PPFIBP2: variants seen among roughly 807,000 people sequenced by gnomAD.
PPFIBP2 encodes liprin-beta-2.
A neutral mutation model predicts 118.3 loss-of-function variants in PPFIBP2; 118 were observed. That is an observed-to-expected ratio of 1.00 (90% confidence interval 0.86 to 1.16). The LOEUF (loss-of-function observed/expected upper bound fraction) is 1.16, where lower values mean the gene tolerates loss of function less well. Among genes scored for constraint, PPFIBP2 ranks in the 50% most tolerant of loss-of-function variants. The pLI is 0.00. For missense variants in PPFIBP2, 1,195 were observed against 1,073.1 expected (o/e 1.11, Z -1.59); for synonymous variants, 414 against 397.4 (o/e 1.04, Z -0.50).
intron 3 of PPFIBP2, among the ~76,000 whole-genome samples, chr11:7,591,511 A>C (rs1468491474): frequency 2.5e-5 from 3 of 119,888 alleles, no homozygotes; most frequent in Non-Finnish European, 3.8e-5. Context: ...ATTATAATAT[A>C]TTCTTGGATT....
In PPFIBP2 at chr11:7,653,215, C is replaced by G; in HGVS notation, c.2628C>G (p.Ser876Arg). The change falls in exon 24 of 24, where the codon AGC (serine) becomes AGG (arginine). Residue 876 changes from serine (S) to arginine (R), a missense_variant. Physicochemically the swap from Ser to Arg is moderately radical, Grantham distance 110. Coordinates refer to ENST00000299492, the MANE Select transcript of PPFIBP2 (RefSeq NM_003621.5). Reference sequence around the variant, plus strand: ...GGCTGGACCAGGTGGGACAGATTAGCTGATGCCCTTGTCACCTGCCCTCTG... The same window carrying G: ...GGCTGGACCAGGTGGGACAGATTAGGTGATGCCCTTGTCACCTGCCCTCTG... ...LDGLDQVGQIS is the reference protein window; with the variant it reads ...LDGLDQVGQIR 1 of 1,614,106 alleles carries G rather than the reference C, an allele frequency of 6.2e-7. No homozygotes were observed. The highest frequency in any genetic ancestry group is 1.1e-5 in the South Asian group (1 of 91,084).
chr11:7,574,379 G>C (rs1856020283), intron 3 of PPFIBP2, among the ~76,000 whole-genome samples: 1 of 152,134 alleles, frequency 6.6e-6, no homozygotes, highest in African/African-American at 2.4e-5. Flanking sequence ...GGAGCAGCAA[G>C]CCCAGGCCCC....
At chr11:7,621,350 T>G (rs550763603) in intron 7 of PPFIBP2, among the ~76,000 whole-genome samples, 3 of 152,224 alleles carry the variant, frequency 2.0e-5, no homozygotes, top group Non-Finnish European at 4.4e-5. Flanking sequence ...CAGTGAATCA[T>G]GCGTCCTAAA....
chr11:7,642,355 T>G lies in PPFIBP2; in HGVS notation c.1575T>G (p.Phe525Leu), dbSNP rs1852313349. 1.2e-6 allele frequency: 2 copies of G among 1,614,056 alleles called. No individual in the cohort carries two copies. Among genetic ancestry groups the G allele is most frequent in the Non-Finnish European group, 1.7e-6 (2 of 1,180,024 alleles). ...CTGACACGCTGGGGATGGCAGAGTT[T>G]CGACGAGGTGGGCTCCGGGCAACCG... Reference protein sequence around the residue: ...FYTDTLGMAEFRRGGLRATAG... With the variant: ...FYTDTLGMAELRRGGLRATAG... Residue 525 changes from phenylalanine to leucine, a missense_variant, in exon 17 of 24, where the codon TTT (phenylalanine) becomes TTG (leucine). Physicochemically the swap from Phe to Leu is conservative, Grantham distance 22. Transcript: ENST00000299492.
In PPFIBP2 at chr11:7,537,450, A is replaced by T. The variant is rs146721188; in HGVS notation, c.-36-11990A>T. ...TTGCACAGGCTCGAAATAATTCACC[A>T]TCATCTTGATCTATTGTGAATGGCT... is the stretch of plus-strand genomic sequence containing the variant. On this transcript the variant is annotated intron_variant, in intron 1 of 23. Transcript: ENST00000299492. Among the ~76,000 whole-genome samples the T allele has an allele frequency of 3.4e-3, 516 of 152,362 alleles. 6 individuals are homozygous for T. The highest frequency in any genetic ancestry group is 0.012 in the African/African-American group (490 of 41,596).
At chr11:7,579,314 T>C (rs1856914646) in intron 3 of PPFIBP2, among the ~76,000 whole-genome samples, 2 of 152,188 alleles carry the variant, frequency 1.3e-5, no homozygotes, top group Non-Finnish European at 2.9e-5. Flanking sequence ...CTCTGCCAAA[T>C]ATGTATAAAA....
At chr11:7,656,763 C>G (rs775070346), downstream of PPFIBP2, 4 of 1,289,846 alleles carry the variant, frequency 3.1e-6, no homozygotes, top group Non-Finnish European at 4.0e-6. Context: ...GAATGACTCT[C>G]GCCTGCCTGC....
chr11:7,632,584 A>G, intron 11 of PPFIBP2: 1 of 233,064 alleles, frequency 4.3e-6, no homozygotes. Flanking sequence ...AAGGAGCAGA[A>G]AAAGCCCAAG....
At chr11:7,618,221 T>A (rs1848907624) in intron 6 of PPFIBP2, among the ~76,000 whole-genome samples, 1 of 152,158 alleles carries the variant, frequency 6.6e-6, no homozygotes, top group East Asian at 1.9e-4. Context: ...AGTCAAGATG[T>A]AAATGTAGAC....
intron 3 of PPFIBP2, among the ~76,000 whole-genome samples, chr11:7,588,137 G>C (rs1858548452): frequency 6.6e-6 from 1 of 152,180 alleles, no homozygotes; most frequent in African/African-American, 2.4e-5. Context: ...CCAGCTCTCT[G>C]TGCATGAGGA....
intron 1 of PPFIBP2, among the ~76,000 whole-genome samples, chr11:7,520,510 T>C (rs1474975540): frequency 1.3e-5 from 2 of 151,862 alleles, no homozygotes. Flanking sequence ...CATAAGATTT[T>C]TTTTTTTTTT....
intron 3 of PPFIBP2, among the ~76,000 whole-genome samples, chr11:7,588,148 A>G (rs1858549466): frequency 6.6e-6 from 1 of 152,156 alleles, no homozygotes; most frequent in African/African-American, 2.4e-5. Context: ...TGCATGAGGA[A>G]CTTATCAAGA....
intron 21 of PPFIBP2, among the ~76,000 whole-genome samples, chr11:7,650,262 C>T (rs985126064): frequency 1.3e-5 from 2 of 152,210 alleles, no homozygotes; most frequent in African/African-American, 4.8e-5. Context: ...GGAACTAGGT[C>T]TAACCTTGCT....
intron 5 of PPFIBP2, chr11:7,606,028 G>C (rs771193315): frequency 6.5e-7 from 1 of 1,532,220 alleles, no homozygotes; most frequent in South Asian, 1.2e-5. Flanking sequence ...AGGTAGAAAA[G>C]CTGTTGATCA....
intron 1 of PPFIBP2, among the ~76,000 whole-genome samples, chr11:7,527,486 C>T (rs1850332851): frequency 6.6e-6 from 1 of 152,076 alleles, no homozygotes; most frequent in African/African-American, 2.4e-5. Context: ...TTATTTCAGC[C>T]TCTAAATAAT....
chr11:7,600,470 G>T (rs1283845517), intron 5 of PPFIBP2, among the ~76,000 whole-genome samples: 3 of 152,368 alleles, frequency 2.0e-5, no homozygotes, highest in Admixed American at 6.5e-5. Flanking sequence ...TGCCTGATTT[G>T]ACTGAGATAT....
Position 7,597,623 on chromosome 11 carries a change from C to T in PPFIBP2, c.436C>T (p.Leu146=). The change falls in exon 5 of 24, where the codon CTG becomes TTG. Residue 146 remains leucine, a synonymous_variant. Coordinates refer to ENST00000299492, the MANE Select transcript of PPFIBP2 (RefSeq NM_003621.5). Reference sequence around the variant, plus strand: ...AAAGATTCGAGACCTGGAAGTGTGTCTGGAAGGACACCAGGTGAAACTCAA... The same window carrying T: ...AAAGATTCGAGACCTGGAAGTGTGTTTGGAAGGACACCAGGTGAAACTCAA... The part of the protein sequence containing the change: ...GEKIRDLEVC[L]EGHQVKLNAA... 2.5e-6 allele frequency: 4 copies of T among 1,614,066 alleles called. No individual in the cohort carries two copies. Among genetic ancestry groups the T allele is most frequent in the African/African-American group, 1.3e-5 (1 of 75,028 alleles).
intron 2 of PPFIBP2, among the ~76,000 whole-genome samples, chr11:7,555,148 G>T (rs1853458505): frequency 6.6e-6 from 1 of 152,194 alleles, no homozygotes; most frequent in Non-Finnish European, 1.5e-5. Context: ...GACAGGTTCA[G>T]TGGCTACTTT....
intron 3 of PPFIBP2, among the ~76,000 whole-genome samples, chr11:7,591,791 A>G (rs368885090): frequency 6.6e-6 from 1 of 152,170 alleles, no homozygotes; most frequent in East Asian, 1.9e-4. Flanking sequence ...TGAATCTTTC[A>G]CTAGTGCGCA....
Sources: allele counts gnomAD v4.1 joint callset (sites outside exome capture counted in the v4.1 genomes callset), GRCh38; gene constraint gnomAD v4.1.1; transcripts MANE v1.5; gene names NCBI Gene and HGNC (gene_info 2026-07-23, HGNC 2026-07-21).